Variants in SYT4 observed in about 807,000 individuals in gnomAD.
SYT4 encodes synaptotagmin 4.
A neutral mutation model predicts 32.9 loss-of-function variants in SYT4; 7 were observed. That is an observed-to-expected ratio of 0.21 (90% CI 0.12 to 0.40). The LOEUF (loss-of-function observed/expected upper bound fraction) is 0.40, where lower values mean the gene tolerates loss of function less well. SYT4 is among the 10% of genes least tolerant of loss of function. The pLI is 1.00. For synonymous variants in SYT4, 205 were observed against 186.2 expected (o/e 1.10, Z -0.82); for missense variants, 480 against 488.0 (o/e 0.98, Z 0.16).
chr18:43,269,223 C>T lies in SYT4; in HGVS notation c.*1118G>A, dbSNP rs1908551045. Reference sequence around the variant, plus strand: ...TTCTTTGTTGTGCTAATTTGACAGCCTAAGCATATTTTGCGTGAACATATG... The same window carrying T: ...TTCTTTGTTGTGCTAATTTGACAGCTTAAGCATATTTTGCGTGAACATATG... On this transcript the variant is annotated 3_prime_UTR_variant, in exon 4 of 4. Coordinates refer to ENST00000255224, the MANE Select transcript of SYT4 (RefSeq NM_020783.4). The T allele has an allele frequency of 6.6e-6, 1 of 152,128 alleles. No individual in the cohort carries two copies. The highest frequency in any genetic ancestry group is 1.5e-5 in the Non-Finnish European group (1 of 68,022). 9.4% of individuals were successfully genotyped at this position (152,128 alleles called of 1,614,324 possible).
chr18:43,268,504 C>A lies in SYT4; in HGVS notation c.*1837G>T, dbSNP rs1908524721. ...CCGTGAAGAATACTTAGAATTGGCC[C>A]CTTACAACTTTTCAGAGGTCCAACA... On this transcript the variant is annotated 3_prime_UTR_variant, in exon 4 of 4. Transcript: ENST00000255224. The A allele has an allele frequency of 6.6e-6, 1 of 152,088 alleles. No individual in the cohort carries two copies. The highest frequency in any genetic ancestry group is 1.5e-5 in the Non-Finnish European group (1 of 68,026). The allele number at this position is 152,088 out of a possible 1,614,324, so 9.4% of individuals were successfully genotyped here.
chr18:43,270,641 A>G lies in SYT4; in HGVS notation c.978T>C (p.Tyr326=), dbSNP rs759534976. The G allele has an allele frequency of 1.9e-6, 3 of 1,613,574 alleles. No individual in the cohort carries two copies. Among genetic ancestry groups the G allele is most frequent in the East Asian group, 4.5e-5 (2 of 44,838 alleles). The change falls in exon 4 of 4, where the codon TAT becomes TAC. Residue 326 remains tyrosine, a synonymous_variant. Coordinates refer to ENST00000255224, the MANE Select transcript of SYT4 (RefSeq NM_020783.4). The part of the protein sequence containing the change: ...KSDVSGLSDP[Y]VKVNLYHAKK... ...TGGCATGGTACAGGTTCACTTTGAC[A>G]TAGGGATCTGCAGTGGAACATAACA... is the stretch of plus-strand genomic sequence containing the variant.
chr18:43,270,340 G>T lies in SYT4; in HGVS notation c.*1C>A. The stretch of plus-strand genomic sequence containing the variant: ...TTAAGTTCCAACTCACGGCTAGGAT[G>T]CTAACCATCACAGAGCACGTGCCAC... On this transcript the variant is annotated 3_prime_UTR_variant, in exon 4 of 4. Coordinates refer to ENST00000255224, the MANE Select transcript of SYT4 (RefSeq NM_020783.4). 6.2e-7 allele frequency: 1 copy of T among 1,612,784 alleles called. No homozygotes were observed. Among genetic ancestry groups the T allele is most frequent in the Non-Finnish European group, 8.5e-7 (1 of 1,178,894 alleles).
chr18:43,277,219 C>T (rs1908821568), intron 1 of SYT4, 29 bp downstream of exon 1: 4 of 1,613,652 alleles, frequency 2.5e-6, no homozygotes, highest in South Asian at 1.1e-5. Context: ...AAGGAATAAC[C>T]GCAGTCATAA....
chr18:43,273,502 T>C lies in SYT4; in HGVS notation c.849+78A>G, dbSNP rs902633082. 27 of 922,652 alleles carry C rather than the reference T, an allele frequency of 2.9e-5. No homozygotes were observed. The African/African-American group carries it at 4.0e-4, about 14-fold the overall frequency. The allele number at this position is 922,652 out of a possible 1,614,324, so 57.2% of individuals were successfully genotyped here. A position where few individuals can be genotyped will look rare whatever the true frequency, so the allele number is the denominator to read the frequency against. ...GGATGATATGTACAAGCTTATCATA[T>C]TAATAAAAATTCCTTAGACACCAAA... On this transcript the variant is annotated intron_variant, in intron 2 of 3. Coordinates refer to ENST00000255224, the MANE Select transcript of SYT4 (RefSeq NM_020783.4).
chr18:43,271,824 T>C lies in SYT4; in HGVS notation c.858A>G (p.Ser286=). 1 of 1,611,874 alleles carries C rather than the reference T, an allele frequency of 6.2e-7. No homozygotes were observed. The highest frequency in any genetic ancestry group is 8.5e-7 in the Non-Finnish European group (1 of 1,178,468). ...GAGAGATCAGTAACTCACCCCGTCC[T>C]GAAGACTTCTGCAGAAAGAGAAATG... is the stretch of plus-strand genomic sequence containing the variant. ...EIIKRNVRKS[S]GRGELLISLC... The change falls in exon 3 of 4, where the codon TCA becomes TCG. Residue 286 remains serine, a synonymous_variant. Transcript: ENST00000255224.
chr18:43,270,750 G>A, intron 3 of SYT4, 102 bp from the exon 4 acceptor site: 1 of 1,244,662 alleles, frequency 8.0e-7, no homozygotes, highest in Non-Finnish European at 1.1e-6. Context: ...AATGACATGT[G>A]GTTACCAGGA....
intron 2 of SYT4, among the ~76,000 whole-genome samples, chr18:43,273,047 T>C (rs1251261825): frequency 6.6e-6 from 1 of 152,118 alleles, no homozygotes; most frequent in African/African-American, 2.4e-5. Context: ...ACTACAAAAA[T>C]AGCGGGACTC....
At position 43,268,215 on chromosome 18, in the gene SYT4, G is replaced by A. The variant is rs1908513698; in HGVS notation, c.*2126C>T. ...AAAACAGTACATTTTCAGAAATGATGAAATTAGGTATTAAGATCTCCCTGC... is the reference window on the plus strand; with the variant it reads ...AAAACAGTACATTTTCAGAAATGATAAAATTAGGTATTAAGATCTCCCTGC... On this transcript the variant is annotated 3_prime_UTR_variant, in exon 4 of 4. Coordinates refer to ENST00000255224, the MANE Select transcript of SYT4 (RefSeq NM_020783.4). The A allele has an allele frequency of 6.6e-6, 1 of 152,572 alleles. No individual in the cohort carries two copies. Among genetic ancestry groups the A allele is most frequent in the Non-Finnish European group, 1.5e-5 (1 of 68,020 alleles). 9.5% of individuals were successfully genotyped at this position (152,572 alleles called of 1,614,324 possible).
At chr18:43,276,431 T>C (rs1039838075) in intron 1 of SYT4, among the ~76,000 whole-genome samples, 1 of 152,230 alleles carries the variant, frequency 6.6e-6, no homozygotes, top group Non-Finnish European at 1.5e-5. Context: ...AGTAAAATTC[T>C]GACCTTTTTC....
At chr18:43,274,507 C>G (rs982640262) in intron 1 of SYT4, 113 bp from the exon 2 acceptor site, 4 of 810,310 alleles carry the variant, frequency 4.9e-6, no homozygotes, top group African/African-American at 1.7e-5. Context: ...GATTGAATTA[C>G]TTTCCAACTG....
At chr18:43,271,076 C>T (rs113319072) in intron 3 of SYT4, among the ~76,000 whole-genome samples, 322 of 152,138 alleles carry the variant, frequency 2.1e-3, no homozygotes, top group Non-Finnish European at 2.5e-3. Context: ...TGTTTTCCAT[C>T]GAATGAGGAT....
rs748999170 is a variant in SYT4, at chr18:43,270,583, T to C, written c.1036A>G (p.Lys346Glu). The change falls in exon 4 of 4, where the codon AAG becomes GAG. Residue 346 changes from lysine (K) to glutamate (E), a missense_variant. Transcript: ENST00000255224. ...AACACTGCATTGGGGGTGCATTTCT[T>C]CACATGAGTCTTCTTCTTGGAGATT... ...KRISKKKTHVKKCTPNAVFNE... is the reference protein window; with the variant it reads ...KRISKKKTHVEKCTPNAVFNE... 6.2e-7 allele frequency: 1 copy of C among 1,614,056 alleles called. No individual in the cohort carries two copies. The highest frequency in any genetic ancestry group is 8.5e-7 in the Non-Finnish European group (1 of 1,179,970).
At chr18:43,270,981 T>C (rs1340468674) in intron 3 of SYT4, among the ~76,000 whole-genome samples, 1 of 152,112 alleles carries the variant, frequency 6.6e-6, no homozygotes, top group Non-Finnish European at 1.5e-5. Flanking sequence ...GAGAATAGGA[T>C]AGAAGGAAAA....
Position 43,268,011 on chromosome 18 carries a change from A to G in SYT4, c.*2330T>C, listed in dbSNP as rs1205746152. On this transcript the variant is annotated 3_prime_UTR_variant, in exon 4 of 4. Transcript: ENST00000255224. ...CCATGCTTCCTTCCAAAACACTTCT[A>G]TTGAGTTACAACATCAGAACAAATC... 6.6e-6 allele frequency: 1 copy of G among 152,294 alleles called. No homozygotes were observed. Among genetic ancestry groups the G allele is most frequent in the Admixed American group, 6.5e-5 (1 of 15,274 alleles). 9.4% of individuals were successfully genotyped at this position (152,294 alleles called of 1,614,324 possible). A position where few individuals can be genotyped will look rare whatever the true frequency, so the allele number is the denominator to read the frequency against.
At chr18:43,272,511 T>C (rs1908661616) in intron 2 of SYT4, among the ~76,000 whole-genome samples, 1 of 152,180 alleles carries the variant, frequency 6.6e-6, no homozygotes, top group African/African-American at 2.4e-5. Flanking sequence ...ATTTCATTTG[T>C]ACTTTAAAGA....
chr18:43,277,440 A>C lies in SYT4; in HGVS notation c.-159T>G, dbSNP rs763177146. The C allele has an allele frequency of 2.3e-5, 17 of 736,318 alleles. No homozygotes were observed. The highest frequency in any genetic ancestry group is 7.6e-4 in the Middle Eastern group (2 of 2,642). The allele number at this position is 736,318 out of a possible 1,614,324, so 45.6% of individuals were successfully genotyped here. Reference sequence around the variant, plus strand: ...AGGGAGGAGGCAAAGAGGGAGGTCCACTCGCCCTCGCACAGTGATTTGCCA... The same window carrying C: ...AGGGAGGAGGCAAAGAGGGAGGTCCCCTCGCCCTCGCACAGTGATTTGCCA... On this transcript the variant is annotated 5_prime_UTR_variant, in exon 1 of 4. Coordinates refer to ENST00000255224, the MANE Select transcript of SYT4 (RefSeq NM_020783.4).
chr18:43,268,764 G>A lies in SYT4; in HGVS notation c.*1577C>T, dbSNP rs955490802. The A allele has an allele frequency of 6.6e-6, 1 of 152,514 alleles. No individual in the cohort carries two copies. Among genetic ancestry groups the A allele is most frequent in the African/African-American group, 2.4e-5 (1 of 41,410 alleles). The allele number at this position is 152,514 out of a possible 1,614,324, so 9.4% of individuals were successfully genotyped here. On this transcript the variant is annotated 3_prime_UTR_variant, in exon 4 of 4. Transcript: ENST00000255224. ...AAAAAGAGGTTGATTTTTAATCTTTGTACATACAGAATGTAATACATTTTC... is the reference window on the plus strand; with the variant it reads ...AAAAAGAGGTTGATTTTTAATCTTTATACATACAGAATGTAATACATTTTC...
intron 1 of SYT4, among the ~76,000 whole-genome samples, chr18:43,277,004 A>T (rs1189214304): frequency 6.6e-6 from 1 of 152,172 alleles, no homozygotes; most frequent in East Asian, 1.9e-4. Flanking sequence ...GTACCTGAAA[A>T]TTTAAGAACT....
Sources: allele counts gnomAD v4.1 joint callset (sites outside exome capture counted in the v4.1 genomes callset), GRCh38; gene constraint gnomAD v4.1.1; transcripts MANE v1.5; gene names NCBI Gene and HGNC (gene_info 2026-07-23, HGNC 2026-07-21).